Variants in VWA8 observed in about 807,000 individuals in gnomAD.
The protein encoded by VWA8 is von Willebrand factor A domain containing 8.
A neutral mutation model predicts 241.5 loss-of-function variants in VWA8; 221 were observed. That is an observed-to-expected ratio of 0.91 (90% CI 0.82 to 1.02). VWA8 has a LOEUF of 1.02. Ranked by LOEUF, VWA8 falls within the 50% of genes least tolerant of loss-of-function variation. The pLI, the probability that VWA8 is intolerant of heterozygous loss-of-function variation, is 0.00. For synonymous variants in VWA8, 852 were observed against 827.1 expected (o/e 1.03, Z -0.52); for missense variants, 2,322 against 2,328.7 (o/e 1.00, Z 0.06).
intron 14 of VWA8, among the ~76,000 whole-genome samples, chr13:41,826,043 TAAGAG>T (rs1310930183): frequency 6.6e-6 from 1 of 152,136 alleles, no homozygotes; most frequent in Admixed American, 6.5e-5. Context: ...CCAAGCAGCT[TAAGAG>T]AAGAATCTAA....
At chr13:41,821,235 G>C (rs1400906986) in intron 14 of VWA8, among the ~76,000 whole-genome samples, 7 of 152,112 alleles carry the variant, frequency 4.6e-5, no homozygotes, top group Admixed American at 1.3e-4. Flanking sequence ...TTTTAGTATT[G>C]ACTCCAGCAG....
Position 41,605,191 on chromosome 13 carries a change from G to A in VWA8, c.4963C>T (p.Arg1655Ter), listed in dbSNP as rs374044514. Reference sequence around the variant, plus strand: ...ACCTGTAAATTATCCAGGATGATTCGGAGGGAGTGCACCTGTCGCCGAACA... The same window carrying A: ...ACCTGTAAATTATCCAGGATGATTCAGAGGGAGTGCACCTGTCGCCGAACA... ...GAVRRQVHSL[R>*]IILDNLQAKG... The change falls in exon 40 of 45, where the codon CGA becomes TGA. Residue 1655 changes from arginine to a stop codon, truncating the protein, a stop_gained. Transcript: ENST00000379310. LOFTEE classifies it high-confidence loss of function. 72 of 1,612,920 alleles carry A rather than the reference G, an allele frequency of 4.5e-5. No individual in the cohort carries two copies. In the Middle Eastern group the frequency reaches 2.0e-3, roughly 44 times the overall value.
chr13:41,721,697 A>T, intron 24 of VWA8, 122 bp from the exon 25 acceptor site: 1 of 993,646 alleles, frequency 1.0e-6, no homozygotes, highest in South Asian at 1.7e-5. Flanking sequence ...AGCCCATCCA[A>T]CAATAGGATG....
chr13:41,702,024 A>G (rs1456023284), intron 27 of VWA8, among the ~76,000 whole-genome samples: 7 of 152,348 alleles, frequency 4.6e-5, no homozygotes, highest in African/African-American at 1.4e-4. Context: ...TTTTTAAAAA[A>G]CCAAACTTAC....
At chr13:41,625,970 A>C (rs1332701467) in intron 37 of VWA8, among the ~76,000 whole-genome samples, 1 of 151,344 alleles carries the variant, frequency 6.6e-6, no homozygotes, top group Non-Finnish European at 1.5e-5. Flanking sequence ...TTCTCAGCAA[A>C]CTATCGCAAG....
At chr13:41,709,740 C>T (rs928390907) in intron 26 of VWA8, among the ~76,000 whole-genome samples, 3 of 151,612 alleles carry the variant, frequency 2.0e-5, no homozygotes, top group Non-Finnish European at 4.4e-5. Context: ...TCTAACTTCA[C>T]ATGAGTCACT....
chr13:41,751,736 AAAGT>A (rs1398726713), intron 21 of VWA8, among the ~76,000 whole-genome samples: 4 of 152,322 alleles, frequency 2.6e-5, no homozygotes, highest in Middle Eastern at 6.8e-3. Flanking sequence ...TGACAGAGGA[AAAGT>A]AAGTGTTTTA....
At chr13:41,610,887 T>C (rs1223034466) in intron 39 of VWA8, among the ~76,000 whole-genome samples, 2 of 152,142 alleles carry the variant, frequency 1.3e-5, no homozygotes, top group Non-Finnish European at 1.5e-5. Context: ...AGCTGGGGAA[T>C]GTCCGAGGGC....
intron 37 of VWA8, among the ~76,000 whole-genome samples, chr13:41,638,864 T>TGA (rs746539563): frequency 1.3e-4 from 20 of 151,700 alleles, no homozygotes; most frequent in Non-Finnish European, 2.5e-4. Context: ...AATCCATAAG[T>TGA]GAGAGAGAGA....
intron 41 of VWA8, among the ~76,000 whole-genome samples, chr13:41,589,358 A>G (rs924715461): frequency 1.3e-5 from 2 of 152,216 alleles, no homozygotes; most frequent in African/African-American, 2.4e-5. Context: ...GTAAGAGAAC[A>G]GTAGAAAATC....
intron 12 of VWA8, among the ~76,000 whole-genome samples, chr13:41,836,882 T>G (rs920427124): frequency 2.0e-5 from 3 of 152,216 alleles, no homozygotes; most frequent in African/African-American, 7.2e-5. Context: ...GAAATGTTCT[T>G]CCTCTTTTCA....
chr13:41,642,222 T>C (rs1439899373), intron 37 of VWA8, among the ~76,000 whole-genome samples: 3 of 152,186 alleles, frequency 2.0e-5, no homozygotes, highest in Non-Finnish European at 2.9e-5. Context: ...GAAAGAAGCA[T>C]ACATGCTTGC....
chr13:41,960,280 TA>T (rs1878549648), intron 1 of VWA8, among the ~76,000 whole-genome samples: 1 of 152,202 alleles, frequency 6.6e-6, no homozygotes, highest in Non-Finnish European at 1.5e-5. Flanking sequence ...GTGTTTTAAC[TA>T]AATTAAGGTG....
rs781086223 is a variant in VWA8, at chr13:41,701,343, T to TA, written c.3364+48dup. On this transcript the variant is annotated intron_variant, in intron 28 of 44. Transcript: ENST00000379310. ...CTAGAGATTATTTTAATCCATCTTT[T>TA]AAAAAAACATGTGCAGGAAGGAAAG... The TA allele has an allele frequency of 3.3e-5, 49 of 1,478,792 alleles. No individual in the cohort carries two copies. In the Middle Eastern group the frequency reaches 1.3e-3, roughly 38 times the overall value. 91.6% of individuals were successfully genotyped at this position (1,478,792 alleles called of 1,614,324 possible). A position where few individuals can be genotyped will look rare whatever the true frequency, so the allele number is the denominator to read the frequency against.
At chr13:41,926,498 C>CA in intron 2 of VWA8, 1 of 530,934 alleles carries the variant, frequency 1.9e-6, no homozygotes, top group Non-Finnish European at 3.8e-6. Context: ...TCATAAGATG[C>CA]TAGTGGTTGG....
At chr13:41,816,356 C>T (rs1870692380) in intron 16 of VWA8, among the ~76,000 whole-genome samples, 1 of 152,022 alleles carries the variant, frequency 6.6e-6, no homozygotes. Context: ...AGAAGCTGAA[C>T]ATAAAGATGT....
chr13:41,691,428 A>G lies in VWA8; in HGVS notation c.3758T>C (p.Leu1253Pro). The change falls in exon 32 of 45, where the codon CTG (leucine) becomes CCG (proline). Residue 1253 changes from leucine to proline, a missense_variant. Leu to Pro is a moderately conservative substitution (Grantham distance 98). Transcript: ENST00000379310. ...GTGAGTTCGCCCTTCTAGAACATCC[A>G]GCACAGTCAGGCTGTTCCTGGAAAA... ...YKEKGNSLTV[L>P]DVLEGRTHTI... 6.2e-7 allele frequency: 1 copy of G among 1,612,572 alleles called. No individual in the cohort carries two copies. Among genetic ancestry groups the G allele is most frequent in the Non-Finnish European group, 8.5e-7 (1 of 1,178,962 alleles).
chr13:41,797,677 C>T (rs1869766553), intron 17 of VWA8, among the ~76,000 whole-genome samples: 1 of 152,106 alleles, frequency 6.6e-6, no homozygotes. Context: ...TGTTCATCTT[C>T]TTCATCCCCA....
chr13:41,838,566 T>C (rs1468309241), intron 12 of VWA8, among the ~76,000 whole-genome samples: 2 of 152,126 alleles, frequency 1.3e-5, no homozygotes, highest in Non-Finnish European at 2.9e-5. Context: ...TTTCAGAAAG[T>C]ATTTAAGTTG....
Sources: gnomAD v4.1 joint callset for allele counts (sites outside exome capture counted in the v4.1 genomes callset) on GRCh38, gnomAD v4.1.1 for gene constraint, MANE v1.5 for transcripts, NCBI Gene and HGNC (gene_info 2026-07-23, HGNC 2026-07-21) for gene names.